Variants in NUMBL observed in about 807,000 individuals in gnomAD.
NUMBL encodes numb-like protein.
Under a neutral mutation model 48.9 loss-of-function variants are expected in NUMBL, and 20 were observed. That is an observed-to-expected ratio of 0.41 (90% CI 0.29 to 0.59). The LOEUF is 0.59. Ranked by LOEUF, NUMBL falls within the 20% of genes least tolerant of loss-of-function variation. NUMBL has a pLI of 0.31. For synonymous variants in NUMBL, 340 were observed against 348.7 expected (o/e 0.98, Z 0.28); for missense variants, 660 against 846.2 (o/e 0.78, Z 2.73).
chr19:40,676,707 C>A lies in NUMBL; in HGVS notation c.730+525G>T, dbSNP rs1458407087. On this transcript the variant is annotated intron_variant, in intron 7 of 9. Coordinates refer to ENST00000252891, the MANE Select transcript of NUMBL (RefSeq NM_004756.5). Reference sequence around the variant, plus strand: ...ACTCCGTCTCAAAAAAAAAAAAAAACAAACAAAAAAAGAAAAGCCTCGAAA... The same window carrying A: ...ACTCCGTCTCAAAAAAAAAAAAAAAAAAACAAAAAAAGAAAAGCCTCGAAA... Among the ~76,000 whole-genome samples the A allele has an allele frequency of 3.4e-3, 488 of 143,940 alleles. 6 individuals are homozygous for A. Among genetic ancestry groups the A allele is most frequent in the African/African-American group, 0.011 (418 of 39,070 alleles). The allele number at this position is 143,940 out of a possible 152,430, so 94.4% of individuals were successfully genotyped here.
At position 40,682,950 on chromosome 19, in the gene NUMBL, C is replaced by T; in HGVS notation, c.268G>A (p.Val90Ile). The change falls in exon 4 of 10, where the codon GTA becomes ATA. Residue 90 changes from valine (V) to isoleucine (I), a missense_variant. Physicochemically the swap from Val to Ile is conservative, Grantham distance 29 (BLOSUM62 3). Around this residue, in one of 3 missense-constraint regions of NUMBL, gnomAD observed 278 missense variants for 420.6 expected, o/e 0.66. Transcript: ENST00000252891. This position sits in a 1 kb window ranked among gnomAD's most constrained non-coding sequence, Gnocchi z 4.0. Reference protein sequence around the residue: ...FPVRYLGHVEVEESRGMHVCE... With the variant: ...FPVRYLGHVEIEESRGMHVCE... ...ACGTGCATTCCCCGGGACTCCTCTACCTCCACGTGACCCAGGTACTTGGGT... is the reference window on the plus strand; with the variant it reads ...ACGTGCATTCCCCGGGACTCCTCTATCTCCACGTGACCCAGGTACTTGGGT... The T allele has an allele frequency of 6.2e-7, 1 of 1,613,772 alleles. No individual in the cohort carries two copies. Among genetic ancestry groups the T allele is most frequent in the Non-Finnish European group, 8.5e-7 (1 of 1,180,014 alleles).
At position 40,673,195 on chromosome 19, in the gene NUMBL, C is replaced by G. The variant is rs915124561; in HGVS notation, c.1036+149G>C. 2.6e-5 allele frequency: 22 copies of G among 844,330 alleles called. No individual in the cohort carries two copies. Among genetic ancestry groups the G allele is most frequent in the Non-Finnish European group, 3.7e-5 (21 of 561,434 alleles). 52.3% of individuals were successfully genotyped at this position (844,330 alleles called of 1,614,324 possible). On this transcript the variant is annotated intron_variant, in intron 8 of 9. Coordinates refer to ENST00000252891, the MANE Select transcript of NUMBL (RefSeq NM_004756.5). The surrounding 1 kb of genome is among the most constrained non-coding windows in gnomAD (Gnocchi z 5.9). ...TTCCTCTCCCTTGCCCACTGCTAAT[C>G]GATCATGACATGTTCCCACTCTCTC...
chr19:40,673,580 G>GCA lies in NUMBL; in HGVS notation c.799_800insTG (p.Ala267ValfsTer58), dbSNP rs2081859668. 1 of 1,542,848 alleles carries GCA rather than the reference G, an allele frequency of 6.5e-7. No individual in the cohort carries two copies. The highest frequency in any genetic ancestry group is 8.8e-7 in the Non-Finnish European group (1 of 1,141,312). On this transcript the variant is annotated frameshift_variant, in exon 8 of 10. Coordinates refer to ENST00000252891, the MANE Select transcript of NUMBL (RefSeq NM_004756.5). LOFTEE classifies it high-confidence loss of function. This position sits in a 1 kb window ranked among gnomAD's most constrained non-coding sequence, Gnocchi z 5.9. The stretch of plus-strand genomic sequence containing the variant: ...ACCCTTCTCACCAGGGGATGTGGTG[G>GCA]CTGGTGTCGGGGACACGTGCCCAGG...
At chr19:40,669,706 G>T (rs116740800) in intron 9 of NUMBL, among the ~76,000 whole-genome samples, 192 bp downstream of exon 9, 2 of 151,024 alleles carry the variant, frequency 1.3e-5, no homozygotes, top group South Asian at 2.1e-4. Context: ...TAAAGTAATC[G>T]CATGATTCTC....
chr19:40,684,781 G>T, intron 2 of NUMBL: 14 of 476,002 alleles, frequency 2.9e-5, no homozygotes, highest in East Asian at 4.4e-5. Flanking sequence ...GGGCACTGGG[G>T]ATTCAGAACC....
At chr19:40,681,815 G>A (rs963738682) in intron 5 of NUMBL, among the ~76,000 whole-genome samples, 2 of 151,964 alleles carry the variant, frequency 1.3e-5, no homozygotes, top group Non-Finnish European at 2.9e-5. Context: ...TGGGATTACA[G>A]GCACGCACCA....
At chr19:40,676,768 G>T (rs533394338) in intron 7 of NUMBL, among the ~76,000 whole-genome samples, 1 of 151,746 alleles carries the variant, frequency 6.6e-6, no homozygotes, top group Non-Finnish European at 1.5e-5. Context: ...CACTTGGTGC[G>T]CCCTTAGAAT....
chr19:40,667,985 TGCTGCTGTTGCTGTTGCTGCTGC>T lies in NUMBL; in HGVS notation c.1290_1312del (p.Gln431AlafsTer33). ...TTGCTGCTGTTGCTGCTGCTGCTGC[TGCTGCTGTTGCTGTTGCTGCTGC>T]TGCTGCTGCTGGGCCTTGGCCACCT... is the stretch of plus-strand genomic sequence containing the variant. On this transcript the variant is annotated frameshift_variant, in exon 10 of 10. Transcript: ENST00000252891. LOFTEE classifies it low-confidence loss of function (END_TRUNC). The surrounding 1 kb of genome is among the most constrained non-coding windows in gnomAD (Gnocchi z 6.1). The T allele has an allele frequency of 7.6e-7, 1 of 1,313,644 alleles. No individual in the cohort carries two copies. The highest frequency in any genetic ancestry group is 1.0e-6 in the Non-Finnish European group (1 of 986,186). 81.4% of individuals were successfully genotyped at this position (1,313,644 alleles called of 1,614,324 possible). A position where few individuals can be genotyped will look rare whatever the true frequency, so the allele number is the denominator to read the frequency against.
rs2081806048 is a variant in NUMBL at position 40,666,170 on chromosome 19, C to CA, written c.*1297dup. 1 of 126,104 alleles carries CA rather than the reference C, an allele frequency of 7.9e-6. No individual in the cohort carries two copies. Among genetic ancestry groups the CA allele is most frequent in the South Asian group, 2.6e-4 (1 of 3,834 alleles). The allele number at this position is 126,104 out of a possible 1,614,324, so 7.8% of individuals were successfully genotyped here. ...TTTTTTTTGTTTTTTTTTTTTGAGA[C>CA]AGAGTCTCATTCTGTTGCCCAGGCA... is the stretch of plus-strand genomic sequence containing the variant. On this transcript the variant is annotated 3_prime_UTR_variant, in exon 10 of 10. Transcript: ENST00000252891.
Position 40,667,194 on chromosome 19 carries a change from T to C in NUMBL, c.*274A>G, listed in dbSNP as rs1468775575. On this transcript the variant is annotated 3_prime_UTR_variant, in exon 10 of 10. Coordinates refer to ENST00000252891, the MANE Select transcript of NUMBL (RefSeq NM_004756.5). This position sits in a 1 kb window ranked among gnomAD's most constrained non-coding sequence, Gnocchi z 6.1. ...ATTCAGTGGGATTGTGGCCAACCCC[T>C]GTGTCTGGGGTTGGGGAAGGGGGCA... 2 of 464,860 alleles carry C rather than the reference T, an allele frequency of 4.3e-6. No homozygotes were observed. The highest frequency in any genetic ancestry group is 7.8e-6 in the Non-Finnish European group (2 of 255,050). 28.8% of individuals were successfully genotyped at this position (464,860 alleles called of 1,614,324 possible).
intron 9 of NUMBL, 144 bp downstream of exon 9, chr19:40,669,754 G>C: frequency 9.7e-7 from 1 of 1,032,058 alleles, no homozygotes; most frequent in Non-Finnish European, 1.4e-6. Context: ...CATGGTTGTA[G>C]GATGATCCCC....
intron 1 of NUMBL, 37 bp downstream of exon 1, chr19:40,690,423 G>T: frequency 8.5e-7 from 1 of 1,180,790 alleles, no homozygotes; most frequent in Non-Finnish European, 1.1e-6. Flanking sequence ...CAGCGGCGCC[G>T]CCCCCGACCC....
rs149154396 is a variant in NUMBL at position 40,686,513 on chromosome 19, G to A, written c.109+398C>T. 1.3e-3 allele frequency among the ~76,000 whole-genome samples: 192 copies of A among 151,990 alleles called. 1 individual carries two copies. The highest frequency in any genetic ancestry group is 4.3e-3 in the African/African-American group (178 of 41,384). ...ATCTCAGAGTCTGTATCCAGCGAGC[G>A]TCTGTGGTCACCTGTGAATCTGGGT... On this transcript the variant is annotated intron_variant, in intron 2 of 9. Coordinates refer to ENST00000252891, the MANE Select transcript of NUMBL (RefSeq NM_004756.5).
intron 2 of NUMBL, chr19:40,685,945 TGA>T (rs766815109): frequency 8.5e-5 from 13 of 153,028 alleles, no homozygotes; most frequent in Non-Finnish European, 1.6e-4. Flanking sequence ...AGGTTGTCTT[TGA>T]GAGTGTTTTC....
chr19:40,670,221 C>T (rs905637737), intron 8 of NUMBL, among the ~76,000 whole-genome samples: 6 of 152,196 alleles, frequency 3.9e-5, no homozygotes, highest in African/African-American at 1.4e-4. Context: ...TAGTGTGTGA[C>T]ATTTGACGGC....
chr19:40,682,592 C>T lies in NUMBL; in HGVS notation c.399+136G>A, dbSNP rs1170171749. On this transcript the variant is annotated intron_variant, in intron 5 of 9. Transcript: ENST00000252891. The surrounding 1 kb of genome is among the most constrained non-coding windows in gnomAD (Gnocchi z 4.0). ...AGCATTTATTCCTGAGTTATGACGA[C>T]AGAGGGAGCACACGGCATCGTCTAG... is the stretch of plus-strand genomic sequence containing the variant. The T allele has an allele frequency of 2.7e-6, 2 of 737,530 alleles. No individual in the cohort carries two copies. The highest frequency in any genetic ancestry group is 2.2e-6 in the Non-Finnish European group (1 of 446,134). The allele number at this position is 737,530 out of a possible 1,614,324, so 45.7% of individuals were successfully genotyped here.
Position 40,682,032 on chromosome 19 carries a change from G to A in NUMBL, c.399+696C>T, listed in dbSNP as rs2081907913. Among the ~76,000 whole-genome samples the A allele has an allele frequency of 6.6e-6, 1 of 152,060 alleles. No homozygotes were observed. The highest frequency in any genetic ancestry group is 1.9e-4 in the East Asian group (1 of 5,178). On this transcript the variant is annotated intron_variant, in intron 5 of 9. Transcript: ENST00000252891. The surrounding 1 kb of genome is among the most constrained non-coding windows in gnomAD (Gnocchi z 4.0). ...GATGGAGCCTTGCTATGTTTCACAG[G>A]CTGATCTTGAACTCCTGGCTTCAAG...
In NUMBL at chr19:40,682,258, C is replaced by A. The variant is rs1364030898; in HGVS notation, c.399+470G>T. On this transcript the variant is annotated intron_variant, in intron 5 of 9. Coordinates refer to ENST00000252891, the MANE Select transcript of NUMBL (RefSeq NM_004756.5). This position sits in a 1 kb window ranked among gnomAD's most constrained non-coding sequence, Gnocchi z 4.0. ...TCTCCTGCCTCAGCCTCCCAAGTAG[C>A]TAGGATTACAGGTACACACCACCAT... Among the ~76,000 whole-genome samples the A allele has an allele frequency of 6.6e-6, 1 of 152,130 alleles. No individual in the cohort carries two copies. The highest frequency in any genetic ancestry group is 1.5e-5 in the Non-Finnish European group (1 of 68,022).
chr19:40,667,835 G>T lies in NUMBL; in HGVS notation c.1463C>A (p.Pro488His). Reference sequence around the variant, plus strand: ...GCCCGGGTAGGCGGGCACAAAAGGGGGCTGCATGTGTGGGGGTGGCAGGAA... The same window carrying T: ...GCCCGGGTAGGCGGGCACAAAAGGGTGCTGCATGTGTGGGGGTGGCAGGAA... The part of the protein sequence containing the change: ...AVFLPPPHMQ[P>H]PFVPAYPGLG... Residue 488 changes from proline (P) to histidine (H), a missense_variant, in exon 10 of 10, where the codon CCC (proline) becomes CAC (histidine). By Grantham distance (77) the Pro-to-His change is moderately conservative (BLOSUM62 -2). Around this residue, in one of 3 missense-constraint regions of NUMBL, gnomAD observed 296 missense variants for 339.7 expected, o/e 0.87. Transcript: ENST00000252891. This position sits in a 1 kb window ranked among gnomAD's most constrained non-coding sequence, Gnocchi z 6.1. The T allele has an allele frequency of 1.3e-6, 2 of 1,591,230 alleles. No homozygotes were observed. Among genetic ancestry groups the T allele is most frequent in the East Asian group, 2.3e-5 (1 of 43,606 alleles).
Sources: gnomAD v4.1 joint callset for allele counts (sites outside exome capture counted in the v4.1 genomes callset) on GRCh38, gnomAD v4.1.1 for gene constraint, gnomAD v4.1.1 regional missense constraint, Gnocchi (gnomAD v3.1) non-coding constraint, MANE v1.5 for transcripts, NCBI Gene and HGNC (gene_info 2026-07-23, HGNC 2026-07-21) for gene names.